The following GDPD5 variants were observed in gnomAD, a reference collection of about 807,000 sequenced individuals.
GDPD5 encodes the protein glycerophosphodiester phosphodiesterase 2.
GDPD5 carries 48 observed loss-of-function variants against 75.1 expected under a neutral mutation model. The observed-to-expected ratio is 0.64, with a 90% confidence interval of 0.51 to 0.81. GDPD5 has a LOEUF of 0.81. GDPD5 is among the 40% of genes least tolerant of loss of function. The pLI is 0.00. For missense variants in GDPD5, 706 were observed against 822.6 expected (o/e 0.86, Z 1.73); for synonymous variants, 336 against 339.0 (o/e 0.99, Z 0.10).
intron 12 of GDPD5, 49 bp from the exon 13 acceptor site, chr11:75,441,852 T>A (rs1948821689): frequency 6.5e-7 from 1 of 1,536,778 alleles, no homozygotes. Context: ...GCACGATGCG[T>A]AAGAGTACCT....
At chr11:75,486,501 A>T (rs1391142472) in intron 2 of GDPD5, among the ~76,000 whole-genome samples, 9 of 152,162 alleles carry the variant, frequency 5.9e-5, no homozygotes, top group Admixed American at 5.9e-4. Flanking sequence ...CCTTACAGTA[A>T]AATGCCAGGC....
chr11:75,439,639 T>TA (rs1488874487), intron 15 of GDPD5, among the ~76,000 whole-genome samples: 17 of 152,120 alleles, frequency 1.1e-4, no homozygotes, highest in Admixed American at 9.8e-4. Context: ...GAAATTCACC[T>TA]AAGCCCACAT....
chr11:75,499,136 C>CA (rs1456650610), intron 1 of GDPD5, among the ~76,000 whole-genome samples: 1 of 152,044 alleles, frequency 6.6e-6, no homozygotes, highest in Non-Finnish European at 1.5e-5. Context: ...AGGTGGGTGC[C>CA]ATCAATGCTT....
intron 1 of GDPD5, among the ~76,000 whole-genome samples, chr11:75,496,779 C>CTTTTTTTTTTTTTTTTTTTTTTT (rs544914858): frequency 7.8e-5 from 8 of 103,114 alleles, no homozygotes; most frequent in African/African-American, 1.8e-4. Context: ...TTCTTTCTTT[C>CTTTTTTTTTTTTTTTTTTTTTTT]TTTTTTTTTT....
chr11:75,477,153 G>T (rs1949796546), intron 3 of GDPD5, among the ~76,000 whole-genome samples: 2 of 152,240 alleles, frequency 1.3e-5, no homozygotes, highest in Admixed American at 1.3e-4. Flanking sequence ...TTATCCGGCT[G>T]TGCACCTGCT....
Position 75,442,430 on chromosome 11 carries a change from G to C in GDPD5, c.1100C>G (p.Pro367Arg). 1 of 1,610,098 alleles carries C rather than the reference G, an allele frequency of 6.2e-7. No homozygotes were observed. Among genetic ancestry groups the C allele is most frequent in the Non-Finnish European group, 8.5e-7 (1 of 1,178,372 alleles). Residue 367 changes from proline (P) to arginine (R), a missense_variant, in exon 12 of 17, where the codon CCC (proline) becomes CGC (arginine). Coordinates refer to ENST00000336898, the MANE Select transcript of GDPD5 (RefSeq NM_030792.8). ...LNLRDPPREHPYRSSFINVTL... is the reference protein window; with the variant it reads ...LNLRDPPREHRYRSSFINVTL... ...CACGTTGATAAAACTGCTGCGGTAG[G>C]GGTGCTCCCGGGGCGGGTCACGCAG... is the stretch of plus-strand genomic sequence containing the variant.
chr11:75,486,795 G>A (rs1413631167), intron 2 of GDPD5, among the ~76,000 whole-genome samples: 1 of 152,198 alleles, frequency 6.6e-6, no homozygotes, highest in African/African-American at 2.4e-5. Flanking sequence ...CCACTGTGTA[G>A]GGGCTTCCAG....
intron 1 of GDPD5, among the ~76,000 whole-genome samples, chr11:75,512,595 T>C (rs1234710866): frequency 2.0e-5 from 3 of 152,144 alleles, no homozygotes; most frequent in Non-Finnish European, 4.4e-5. Context: ...ACTGTTAGAG[T>C]TGTTTTTAAT....
At chr11:75,461,426 A>C (rs1369890113) in intron 4 of GDPD5, among the ~76,000 whole-genome samples, 1 of 152,114 alleles carries the variant, frequency 6.6e-6, no homozygotes, top group Non-Finnish European at 1.5e-5. Context: ...CATATTCTTG[A>C]TTGTGCTCAT....
intron 3 of GDPD5, among the ~76,000 whole-genome samples, chr11:75,464,089 C>T (rs1176521286): frequency 6.6e-6 from 1 of 152,222 alleles, no homozygotes; most frequent in Admixed American, 6.5e-5. Context: ...GACTTCCACT[C>T]TACTAGTACT....
intron 9 of GDPD5, chr11:75,448,705 T>C (rs938794363): frequency 8.6e-7 from 1 of 1,158,046 alleles, no homozygotes; most frequent in Non-Finnish European, 1.1e-6. Flanking sequence ...CCTTCCTAAC[T>C]GGCACCTGGG....
At chr11:75,445,893 C>A (rs1039283202) in intron 9 of GDPD5, among the ~76,000 whole-genome samples, 1 of 152,206 alleles carries the variant, frequency 6.6e-6, no homozygotes, top group Non-Finnish European at 1.5e-5. Context: ...AAGTCACAGA[C>A]CCTAGCCCAG....
At chr11:75,439,193 T>G (rs1170769331) in intron 15 of GDPD5, 3 of 367,114 alleles carry the variant, frequency 8.2e-6, no homozygotes, top group East Asian at 7.7e-5. Flanking sequence ...ATTGCGGGGG[T>G]AAGGGAGGCT....
At chr11:75,471,937 T>A (rs1949676158) in intron 3 of GDPD5, among the ~76,000 whole-genome samples, 1 of 152,182 alleles carries the variant, frequency 6.6e-6, no homozygotes, top group Non-Finnish European at 1.5e-5. Context: ...CTTATAGGAA[T>A]CCTGCAGTTT....
chr11:75,523,868 C>T (rs919698565), intron 1 of GDPD5, among the ~76,000 whole-genome samples: 11 of 152,236 alleles, frequency 7.2e-5, no homozygotes, highest in Admixed American at 2.0e-4. Flanking sequence ...CCTCTCACCA[C>T]GCTCCTCCAC....
intron 2 of GDPD5, among the ~76,000 whole-genome samples, chr11:75,479,999 T>G (rs969589541): frequency 6.6e-6 from 1 of 152,350 alleles, no homozygotes; most frequent in South Asian, 2.1e-4. Context: ...TTATACATAA[T>G]GCTTCTGTGA....
At chr11:75,524,947 C>T (rs1454650192) in intron 1 of GDPD5, among the ~76,000 whole-genome samples, 1 of 152,240 alleles carries the variant, frequency 6.6e-6, no homozygotes. Context: ...TCAGTTTCTC[C>T]ATCTGCAAGC....
intron 1 of GDPD5, among the ~76,000 whole-genome samples, chr11:75,512,326 G>A (rs986963058): frequency 3.2e-5 from 1 of 31,498 alleles, no homozygotes; most frequent in Non-Finnish European, 9.0e-5. Flanking sequence ...ACACACACAC[G>A]AGGGGAGAGG....
intron 6 of GDPD5, among the ~76,000 whole-genome samples, chr11:75,456,389 A>T (rs1414603788): frequency 1.3e-5 from 2 of 152,200 alleles, no homozygotes; most frequent in Non-Finnish European, 2.9e-5. Context: ...GGGCCCCCAG[A>T]GGGTGGGTGC....
Sources: gnomAD v4.1 joint callset for allele counts (sites outside exome capture counted in the v4.1 genomes callset) on GRCh38, gnomAD v4.1.1 for gene constraint, MANE v1.5 for transcripts, NCBI Gene and HGNC (gene_info 2026-07-23, HGNC 2026-07-21) for gene names.